Variants in RGS6 observed in about 807,000 individuals in gnomAD.
RGS6 encodes regulator of G protein signaling 6.
Under a neutral mutation model 78.5 loss-of-function variants are expected in RGS6, and 30 were observed. That is an observed-to-expected ratio of 0.38 (90% CI 0.29 to 0.52). The LOEUF (loss-of-function observed/expected upper bound fraction) is 0.52. Among genes scored for constraint, RGS6 ranks in the 20% least tolerant of loss-of-function variants. The probability of loss-of-function intolerance (pLI) is 0.85; values close to 1 mark genes in which losing one functional copy is unlikely to be tolerated. For synonymous variants in RGS6, 206 were observed against 206.0 expected (o/e 1.00, Z 0.00); for missense variants, 495 against 609.7 (o/e 0.81, Z 1.98).
At chr14:72,273,110 C>T (rs2060185807) in intron 2 of RGS6, among the ~76,000 whole-genome samples, 2 of 149,136 alleles carry the variant, frequency 1.3e-5, no homozygotes, top group South Asian at 2.1e-4. Flanking sequence ...CCAGCCTCGG[C>T]TACAAGGGCA....
chr14:71,949,783 T>C (rs1486343381), intron 1 of RGS6, among the ~76,000 whole-genome samples: 1 of 150,992 alleles, frequency 6.6e-6, no homozygotes, highest in East Asian at 1.9e-4. Context: ...AAGCTCTATT[T>C]TTTTTTTTTT....
At chr14:72,138,640 C>G (rs1184232960) in intron 2 of RGS6, among the ~76,000 whole-genome samples, 1 of 151,922 alleles carries the variant, frequency 6.6e-6, no homozygotes, top group East Asian at 1.9e-4. Flanking sequence ...GTAAGCAAAG[C>G]TTCATCTGTA....
intron 14 of RGS6, among the ~76,000 whole-genome samples, chr14:72,514,948 T>G (rs2096922165): frequency 6.6e-6 from 1 of 152,234 alleles, no homozygotes; most frequent in African/African-American, 2.4e-5. Context: ...GCCTGGGCTC[T>G]GAGTTCCCAG....
At chr14:72,001,895 C>CTTTTTTTTTTTTTTTTTTTT (rs59274317) in intron 2 of RGS6, among the ~76,000 whole-genome samples, 2 of 92,552 alleles carry the variant, frequency 2.2e-5, no homozygotes, top group African/African-American at 8.8e-5. Flanking sequence ...ATCCATTAAT[C>CTTTTTTTTTTTTTTTTTTTT]TTTTTTTTTT....
intron 2 of RGS6, among the ~76,000 whole-genome samples, chr14:72,247,488 T>C (rs1419683454): frequency 1.3e-5 from 2 of 152,206 alleles, no homozygotes; most frequent in Non-Finnish European, 2.9e-5. Flanking sequence ...TTCAAGGAAA[T>C]AGTGCTTGCT....
At chr14:72,375,070 A>G (rs901426005) in intron 3 of RGS6, among the ~76,000 whole-genome samples, 6 of 152,232 alleles carry the variant, frequency 3.9e-5, no homozygotes, top group Admixed American at 1.3e-4. Flanking sequence ...TGTATCACGG[A>G]AAGGCAGAAA....
intron 13 of RGS6, among the ~76,000 whole-genome samples, chr14:72,506,278 AT>A (rs1336929736): frequency 6.6e-6 from 1 of 152,238 alleles, no homozygotes; most frequent in African/African-American, 2.4e-5. Context: ...GAAAATCCAA[AT>A]GCTGACATAA....
the RGS6 span, among the ~76,000 whole-genome samples, chr14:71,918,409 T>C: frequency 2.0e-5 from 3 of 152,180 alleles, no homozygotes; most frequent in East Asian, 5.8e-4. Flanking sequence ...ATTAAATCAG[T>C]TGCTAAAGCC....
At chr14:72,588,792 T>C in the RGS6 span, among the ~76,000 whole-genome samples, 1 of 152,144 alleles carries the variant, frequency 6.6e-6, no homozygotes, top group Admixed American at 6.6e-5. Context: ...CCTTGTGATT[T>C]ACAGAAAGAA....
chr14:72,608,599 T>C, the RGS6 span, among the ~76,000 whole-genome samples: 4 of 152,038 alleles, frequency 2.6e-5, no homozygotes, highest in Non-Finnish European at 5.9e-5. Flanking sequence ...TCCTAGAAAA[T>C]CTAGGGGGCT....
At chr14:72,054,598 A>G (rs902282982) in intron 2 of RGS6, among the ~76,000 whole-genome samples, 1 of 152,170 alleles carries the variant, frequency 6.6e-6, no homozygotes, top group African/African-American at 2.4e-5. Flanking sequence ...CTGTCCACGC[A>G]TGATCTCCTT....
chr14:72,043,953 T>TCTC (rs1323806718), intron 2 of RGS6, among the ~76,000 whole-genome samples: 2 of 152,100 alleles, frequency 1.3e-5, no homozygotes, highest in Non-Finnish European at 2.9e-5. Flanking sequence ...TTGTTCCGCT[T>TCTC]CTCCTCCTCC....
At chr14:72,212,152 C>T (rs1399262349) in intron 2 of RGS6, among the ~76,000 whole-genome samples, 4 of 152,174 alleles carry the variant, frequency 2.6e-5, no homozygotes, top group South Asian at 4.2e-4. Flanking sequence ...TAGCTGTGAC[C>T]GGCAGTACCC....
At chr14:72,387,583 T>C (rs1051077809) in intron 3 of RGS6, among the ~76,000 whole-genome samples, 3 of 151,802 alleles carry the variant, frequency 2.0e-5, no homozygotes, top group Non-Finnish European at 2.9e-5. Context: ...ATATTTGAGA[T>C]ACACAGACAC....
At chr14:71,919,222 T>C in the RGS6 span, among the ~76,000 whole-genome samples, 1 of 152,202 alleles carries the variant, frequency 6.6e-6, no homozygotes, top group Non-Finnish European at 1.5e-5. Flanking sequence ...TGGTTCTCCC[T>C]TTGGCTTGTG....
At chr14:72,102,012 T>G (rs1165204233) in intron 2 of RGS6, among the ~76,000 whole-genome samples, 2 of 152,168 alleles carry the variant, frequency 1.3e-5, no homozygotes, top group Admixed American at 1.3e-4. Context: ...AGAAGGAGCT[T>G]TTGTAGGGAG....
rs1038189517 is a variant in RGS6, at chr14:72,481,390, G to T, written c.854+3061G>T. Among the ~76,000 whole-genome samples, 4 of 152,290 alleles carry T rather than the reference G, an allele frequency of 2.6e-5. No homozygotes were observed. In the East Asian group the frequency reaches 7.7e-4, roughly 29 times the overall value. On this transcript the variant is annotated intron_variant, in intron 12 of 17. Transcript: ENST00000553525. ...AACAAAGGGCAGGCCAAGGAGGGAG[G>T]CTGCTAATGCAATTCTTTCCTGCAC...
At chr14:71,921,288 G>GT in the RGS6 span, among the ~76,000 whole-genome samples, 2 of 152,260 alleles carry the variant, frequency 1.3e-5, no homozygotes, top group Non-Finnish European at 2.9e-5. Context: ...GAAAAAGGGG[G>GT]TTCCCCCAAA....
chr14:72,406,612 G>A (rs2092946727), intron 3 of RGS6, among the ~76,000 whole-genome samples: 1 of 152,178 alleles, frequency 6.6e-6, no homozygotes, highest in South Asian at 2.1e-4. Flanking sequence ...CTAGCTACCA[G>A]ATTTCTCCTA....
Sources: allele counts gnomAD v4.1 joint callset (sites outside exome capture counted in the v4.1 genomes callset), GRCh38; gene constraint gnomAD v4.1.1; transcripts MANE v1.5; gene names NCBI Gene and HGNC (gene_info 2026-07-23, HGNC 2026-07-21).